CCNT2: variants seen among roughly 807,000 people sequenced by gnomAD.
CCNT2 encodes the protein cyclin-T2.
In CCNT2, 18 loss-of-function variants were observed where a neutral mutation model predicts 70.0. The observed-to-expected ratio is 0.26, with a 90% CI of 0.18 to 0.38. The LOEUF is 0.38. CCNT2 is among the 10% of genes least tolerant of loss of function. The probability of loss-of-function intolerance (pLI) is 1.00; values close to 1 mark genes in which losing one functional copy is unlikely to be tolerated. For missense variants in CCNT2, 734 were observed against 890.2 expected (o/e 0.82, Z 2.23); for synonymous variants, 334 against 313.3 (o/e 1.07, Z -0.70).
intron 5 of CCNT2, chr2:134,944,481 TCTC>T (rs1375957982): frequency 2.7e-5 from 26 of 965,462 alleles, no homozygotes; most frequent in African/African-American, 3.5e-5. Flanking sequence ...TTGTACAAGT[TCTC>T]CTACAACTAA....
chr2:134,949,770 A>G (rs1682302718), intron 7 of CCNT2, among the ~76,000 whole-genome samples: 1 of 126,840 alleles, frequency 7.9e-6, no homozygotes, highest in Admixed American at 9.8e-5. Context: ...AATAGTCACT[A>G]GATTAAGATT....
chr2:134,919,073 G>C (rs948068867), intron 1 of CCNT2, 61 bp downstream of exon 1: 14 of 1,513,324 alleles, frequency 9.3e-6, no homozygotes, highest in African/African-American at 1.4e-5. Context: ...GCCGGGCCTG[G>C]TGCCCCGCGA....
chr2:134,937,246 G>A (rs1681222316), intron 3 of CCNT2, among the ~76,000 whole-genome samples: 1 of 152,172 alleles, frequency 6.6e-6, no homozygotes, highest in Non-Finnish European at 1.5e-5. Context: ...TCAGAGTTAT[G>A]ATATATGTAG....
intron 2 of CCNT2, among the ~76,000 whole-genome samples, chr2:134,929,613 C>CAGAGAGAGAGAGAGAGAG (rs140163816): frequency 0.1 from 12,007 of 117,286 alleles, 994 homozygotes; most frequent in Middle Eastern, 0.36. Context: ...GTCTCAAAAA[C>CAGAGAGAGAGAGAGAGAG]AGAGAGAGAG....
chr2:134,935,376 C>G (rs1177988014), intron 2 of CCNT2, among the ~76,000 whole-genome samples: 1 of 152,216 alleles, frequency 6.6e-6, no homozygotes, highest in Non-Finnish European at 1.5e-5. Flanking sequence ...TCTGCAAATG[C>G]AGTTGGACTA....
intron 7 of CCNT2, among the ~76,000 whole-genome samples, chr2:134,950,236 C>T (rs746179935): frequency 1.2e-4 from 18 of 152,164 alleles, no homozygotes; most frequent in Non-Finnish European, 4.4e-5. Context: ...GGAGGAGCTA[C>T]CTCATTTCCA....
At chr2:134,919,521 T>TC (rs1384015534) in intron 1 of CCNT2, among the ~76,000 whole-genome samples, 1 of 152,158 alleles carries the variant, frequency 6.6e-6, no homozygotes, top group Non-Finnish European at 1.5e-5. Context: ...CGCGCGCGTT[T>TC]CAACTGTTTC....
intron 5 of CCNT2, 22 bp from the exon 6 acceptor site, chr2:134,946,079 C>T (rs1553524057): frequency 9.6e-6 from 15 of 1,567,620 alleles, no homozygotes; most frequent in Admixed American, 6.9e-5. Flanking sequence ...GTATTGTCTT[C>T]GTTTTTTTTT....
intron 4 of CCNT2, 139 bp from the exon 5 acceptor site, chr2:134,942,473 G>A (rs148126843): frequency 6.7e-5 from 29 of 435,770 alleles, no homozygotes; most frequent in African/African-American, 5.3e-4. Flanking sequence ...CATTGGAAAA[G>A]TAATGAGAAT....
At chr2:134,947,931 A>G in intron 7 of CCNT2, 32 bp downstream of exon 7, 1 of 1,313,818 alleles carries the variant, frequency 7.6e-7, no homozygotes, top group Non-Finnish European at 1.0e-6. Context: ...TTAAGTTTGG[A>G]ATTATCTAAG....
At chr2:134,943,995 T>C (rs1681761275) in intron 5 of CCNT2, 3 of 976,134 alleles carry the variant, frequency 3.1e-6, no homozygotes, top group African/African-American at 3.5e-5. Context: ...TAGTGATTTA[T>C]TATGTTAGTG....
At chr2:134,934,196 TC>T (rs1252451408) in intron 2 of CCNT2, among the ~76,000 whole-genome samples, 1 of 152,226 alleles carries the variant, frequency 6.6e-6, no homozygotes, top group African/African-American at 2.4e-5. Flanking sequence ...CGCATCAACT[TC>T]CTTTTACTTT....
chr2:134,945,495 A>G, intron 5 of CCNT2: 2 of 985,362 alleles, frequency 2.0e-6, no homozygotes, highest in Non-Finnish European at 2.4e-6. Context: ...TTCCTAAGTT[A>G]GTCTTTAATT....
intron 7 of CCNT2, among the ~76,000 whole-genome samples, chr2:134,949,810 G>GGGT: frequency 7.5e-6 from 1 of 133,778 alleles, no homozygotes; most frequent in Non-Finnish European, 1.6e-5. Context: ...TTCGGGGGGG[G>GGGT]GGTGGGGGAC....
At chr2:134,937,658 G>A (rs1001135750) in intron 3 of CCNT2, among the ~76,000 whole-genome samples, 4 of 152,212 alleles carry the variant, frequency 2.6e-5, no homozygotes, top group East Asian at 1.9e-4. Flanking sequence ...GCTCATGCCT[G>A]TAATCCCAGC....
intron 2 of CCNT2, among the ~76,000 whole-genome samples, chr2:134,926,442 T>C (rs936570315): frequency 1.3e-5 from 2 of 152,192 alleles, no homozygotes; most frequent in Non-Finnish European, 2.9e-5. Flanking sequence ...GTGCTTTTCC[T>C]CCCAATGGTT....
rs191461229 is a variant in CCNT2, at chr2:134,948,034, A to G, written c.703+135A>G. 6.0e-5 allele frequency: 29 copies of G among 481,330 alleles called. No homozygotes were observed. The East Asian group carries it at 7.5e-4, about 13-fold the overall frequency. The allele number at this position is 481,330 out of a possible 1,614,324, so 29.8% of individuals were successfully genotyped here. ...AATTCATCAGCCTAAAGAAAAAAAA[A>G]TAGAGTCTGGAAGCTGTGCTCATAC... On this transcript the variant is annotated intron_variant, in intron 7 of 8. Transcript: ENST00000264157.
rs551173090 is a variant in CCNT2, at chr2:134,928,274, C to CTTT, written c.240+8400_240+8402dup. Among the ~76,000 whole-genome samples, 61 of 96,392 alleles carry CTTT rather than the reference C, an allele frequency of 6.3e-4. 5 individuals carry two copies. Among genetic ancestry groups the CTTT allele is most frequent in the African/African-American group, 1.2e-3 (29 of 25,062 alleles). 63.2% of individuals were successfully genotyped at this position (96,392 alleles called of 152,430 possible). The stretch of plus-strand genomic sequence containing the variant: ...CCATGCCCGGCCTCACATTGTATTT[C>CTTT]TTTTTTTTTTTTTTTTTTTCTGAGA... On this transcript the variant is annotated intron_variant, in intron 2 of 8. Transcript: ENST00000264157.
chr2:134,947,754 C>T lies in CCNT2; in HGVS notation c.558C>T (p.Phe186=). The change falls in exon 7 of 9, where the codon TTC becomes TTT. Residue 186 remains phenylalanine (F), a synonymous_variant. Transcript: ENST00000264157. ...GCAACAGTCTGCATCTTACAACCTT[C>T]TGTCTTCAGTACAAACCAACAGTGA... ...MATNSLHLTT[F]CLQYKPTVIA... The T allele has an allele frequency of 6.7e-7, 1 of 1,502,142 alleles. No individual in the cohort carries two copies. Among genetic ancestry groups the T allele is most frequent in the South Asian group, 1.4e-5 (1 of 73,460 alleles). The allele number at this position is 1,502,142 out of a possible 1,614,324, so 93.1% of individuals were successfully genotyped here.
Sources: allele counts gnomAD v4.1 joint callset (sites outside exome capture counted in the v4.1 genomes callset), GRCh38; gene constraint gnomAD v4.1.1; transcripts MANE v1.5; gene names NCBI Gene and HGNC (gene_info 2026-07-23, HGNC 2026-07-21).